The following PTPRB variants were observed in gnomAD, a reference collection of about 807,000 sequenced individuals.
PTPRB encodes protein tyrosine phosphatase receptor type B.
PTPRB carries 97 observed loss-of-function variants against 238.1 expected under a neutral mutation model. The ratio of observed to expected loss-of-function variants is 0.41; its 90% confidence interval spans 0.35 to 0.48. PTPRB has a LOEUF of 0.48. Among genes scored for constraint, PTPRB ranks in the 20% least tolerant of loss-of-function variants. The pLI, the probability that PTPRB is intolerant of heterozygous loss-of-function variation, is 0.30. For missense variants in PTPRB, 2,292 were observed against 2,681.9 expected (o/e 0.85, Z 3.21); for synonymous variants, 970 against 995.4 (o/e 0.97, Z 0.48).
chr12:70,622,315 G>A, intron 3 of PTPRB, 75 bp downstream of exon 3: 1 of 1,558,068 alleles, frequency 6.4e-7, no homozygotes, highest in Non-Finnish European at 8.7e-7. Context: ...GGCATTTTTA[G>A]CAAAGCAAGT....
In PTPRB at chr12:70,635,928, G is replaced by A. The variant is rs777506538; in HGVS notation, c.194C>T (p.Ser65Phe). The change falls in exon 2 of 34, where the codon TCT (serine) becomes TTT (phenylalanine). Residue 65 changes from serine (S) to phenylalanine (F), a missense_variant. Around this residue, in one of 4 missense-constraint regions of PTPRB, gnomAD observed 1,205 missense variants for 1,287.8 expected, o/e 0.94. Coordinates refer to ENST00000334414, the MANE Select transcript of PTPRB (RefSeq NM_001109754.4). ...GTTGGAGATGGCCAAGCACAGTGCA[G>A]ATTTAACATGAAGGAGCTTTTCATC... is the stretch of plus-strand genomic sequence containing the variant. ...TEDEKLLHVKSALCLAISNSS... is the reference protein window; with the variant it reads ...TEDEKLLHVKFALCLAISNSS... 1.1e-5 allele frequency: 18 copies of A among 1,613,760 alleles called. No individual in the cohort carries two copies. In the South Asian group the frequency reaches 2.0e-4, roughly 18 times the overall value.
chr12:70,524,340 C>A, intron 33 of PTPRB, 131 bp downstream of exon 33: 1 of 1,022,378 alleles, frequency 9.8e-7, no homozygotes, highest in South Asian at 1.9e-5. Context: ...GTTTCAAACT[C>A]TTAGGCTCAA....
At position 70,594,539 on chromosome 12, in the gene PTPRB, A is replaced by C; in HGVS notation, c.1444T>G (p.Tyr482Asp). Reference sequence around the variant, plus strand: ...GTCATAACAGTGAGGTTGTAGAGGTAGCCAGGGGTCAGCCCGTGAAAAGCA... The same window carrying C: ...GTCATAACAGTGAGGTTGTAGAGGTCGCCAGGGGTCAGCCCGTGAAAAGCA... ...SYAFHGLTPG[Y>D]LYNLTVMTEA... Residue 482 changes from tyrosine to aspartate, a missense_variant, in exon 6 of 34, where the codon TAC becomes GAC. Coordinates refer to ENST00000334414, the MANE Select transcript of PTPRB (RefSeq NM_001109754.4). The C allele has an allele frequency of 6.2e-7, 1 of 1,614,010 alleles. No homozygotes were observed. The highest frequency in any genetic ancestry group is 8.5e-7 in the Non-Finnish European group (1 of 1,179,894).
At chr12:70,569,965 C>T in intron 13 of PTPRB, 27 bp from the exon 14 acceptor site, 1 of 1,570,770 alleles carries the variant, frequency 6.4e-7, no homozygotes, top group African/African-American at 1.4e-5. Flanking sequence ...ATTTAAAAGT[C>T]ATCACTTAGA....
Position 70,566,443 on chromosome 12 carries a change from C to T in PTPRB, c.3896G>A (p.Gly1299Asp), listed in dbSNP as rs1465875253. 8.7e-6 allele frequency: 14 copies of T among 1,613,656 alleles called. No homozygotes were observed. Among genetic ancestry groups the T allele is most frequent in the African/African-American group, 1.3e-5 (1 of 75,022 alleles). Reference sequence around the variant, plus strand: ...TATGCTGTGCTAATTACCTGTTCGGCCTTCAGTCTGGGCTTCCTTGCTAAA... The same window carrying T: ...TATGCTGTGCTAATTACCTGTTCGGTCTTCAGTCTGGGCTTCCTTGCTAAA... Reference protein sequence around the residue: ...GLFSKEAQTEGRTVPAAVTDL... With the variant: ...GLFSKEAQTEDRTVPAAVTDL... Residue 1299 changes from glycine (G) to aspartate (D), a missense_variant, in exon 15 of 34, where the codon GGC becomes GAC. Around this residue, in one of 4 missense-constraint regions of PTPRB, gnomAD observed 683 missense variants for 862.0 expected, o/e 0.79. Transcript: ENST00000334414.
At chr12:70,524,921 ATATG>A (rs1432283033) in intron 32 of PTPRB, among the ~76,000 whole-genome samples, 1 of 151,142 alleles carries the variant, frequency 6.6e-6, no homozygotes, top group Non-Finnish European at 1.5e-5. Flanking sequence ...ATGTATGTAT[ATATG>A]TGTGTATATG....
intron 32 of PTPRB, among the ~76,000 whole-genome samples, chr12:70,531,018 T>C (rs185913861): frequency 1.4e-4 from 22 of 152,366 alleles, no homozygotes; most frequent in East Asian, 9.6e-4. Context: ...AATGATGCCA[T>C]TGTTTTGTCA....
In PTPRB at chr12:70,534,635, G is replaced by A; in HGVS notation, c.6221C>T (p.Ala2074Val). The A allele has an allele frequency of 1.9e-6, 3 of 1,612,240 alleles. No individual in the cohort carries two copies. Among genetic ancestry groups the A allele is most frequent in the Non-Finnish European group, 2.5e-6 (3 of 1,179,192 alleles). ...GTGAAAGTGGCGGATGAGTCTGTGT[G>A]CATCAAGCTGTTCCTCCTGTAAGAG... ...FKICGEEQLD[A>V]HRLIRHFHYT... The change falls in exon 31 of 34, where the codon GCA (alanine) becomes GTA (valine). Residue 2074 changes from alanine (A) to valine (V), a missense_variant. Transcript: ENST00000334414.
intron 31 of PTPRB, among the ~76,000 whole-genome samples, 185 bp downstream of exon 31, chr12:70,534,299 AAGTC>A (rs530610724): frequency 1.5e-4 from 23 of 152,266 alleles, no homozygotes; most frequent in Admixed American, 1.2e-3. Context: ...AGTGGAAAAG[AAGTC>A]AGGGAAGAGA....
chr12:70,559,263 C>A (rs1878139205), intron 18 of PTPRB, 80 bp downstream of exon 18: 1 of 1,414,070 alleles, frequency 7.1e-7, no homozygotes. Context: ...GGATTTAATC[C>A]AAGCCCTATT....
chr12:70,600,506 T>C (rs777359721), intron 4 of PTPRB, among the ~76,000 whole-genome samples: 6 of 152,348 alleles, frequency 3.9e-5, no homozygotes, highest in Non-Finnish European at 8.8e-5. Flanking sequence ...TTTTCAGATG[T>C]TGGTTTGCTA....
At position 70,626,304 on chromosome 12, in the gene PTPRB, T is replaced by C. The variant is rs201850917; in HGVS notation, c.452-3658A>G. Among the ~76,000 whole-genome samples the C allele has an allele frequency of 3.6e-3, 241 of 67,816 alleles. 19 individuals carry two copies. Among genetic ancestry groups the C allele is most frequent in the African/African-American group, 0.012 (179 of 15,520 alleles). The allele number at this position is 67,816 out of a possible 152,430, so 44.5% of individuals were successfully genotyped here. A position where few individuals can be genotyped will look rare whatever the true frequency, so the allele number is the denominator to read the frequency against. On this transcript the variant is annotated intron_variant, in intron 2 of 33. Coordinates refer to ENST00000334414, the MANE Select transcript of PTPRB (RefSeq NM_001109754.4). ...GATGATGTCTATCCATCCATCTATC[T>C]ATCTATCTATCTATCTATCTATCTA...
At chr12:70,626,520 A>G (rs2136593695) in intron 2 of PTPRB, among the ~76,000 whole-genome samples, 1 of 152,046 alleles carries the variant, frequency 6.6e-6, no homozygotes, top group East Asian at 1.9e-4. Flanking sequence ...GGATGGTTGC[A>G]TCTGTACTGA....
In PTPRB at chr12:70,622,950, G is replaced by GA. The variant is rs566031720; in HGVS notation, c.452-305_452-304insT. ...ATTAAACCTATTCTATGAGAATTTA[G>GA]GGGGGGGGTCACTGAATTGGCTTCA... On this transcript the variant is annotated intron_variant, in intron 2 of 33. Transcript: ENST00000334414. 2.8e-4 allele frequency among the ~76,000 whole-genome samples: 24 copies of GA among 86,456 alleles called. No individual in the cohort carries two copies. In the South Asian group the frequency reaches 9.3e-3, roughly 34 times the overall value. 56.7% of individuals were successfully genotyped at this position (86,456 alleles called of 152,430 possible).
chr12:70,589,932 C>G, intron 8 of PTPRB, 32 bp downstream of exon 8: 4 of 1,595,972 alleles, frequency 2.5e-6, no homozygotes, highest in South Asian at 1.1e-5. Context: ...AATTACTCTT[C>G]CATTGGTATT....
chr12:70,596,130 C>T lies in PTPRB; in HGVS notation c.1177G>A (p.Ala393Thr), dbSNP rs1592560952. 6.2e-7 allele frequency: 1 copy of T among 1,613,400 alleles called. No individual in the cohort carries two copies. The change falls in exon 5 of 34, where the codon GCT (alanine) becomes ACT (threonine). Residue 393 changes from alanine to threonine, a missense_variant. Physicochemically the swap from Ala to Thr is moderately conservative, Grantham distance 58 (BLOSUM62 0). This residue lies in a region of PTPRB where 1,205 missense variants were observed against 1,287.8 expected (regional missense o/e 0.94). Coordinates refer to ENST00000334414, the MANE Select transcript of PTPRB (RefSeq NM_001109754.4). ...WNEYTFFNLT[A>T]GSKYNIAITA... ...ATGGCAATATTGTATTTACTACCAGCAGTGAGATTGAAAAAAGTGTATTCA... is the reference window on the plus strand; with the variant it reads ...ATGGCAATATTGTATTTACTACCAGTAGTGAGATTGAAAAAAGTGTATTCA...
Position 70,622,472 on chromosome 12 carries a change from T to G in PTPRB, c.626A>C (p.His209Pro). ...NYSQNSSERQ[H>P]PNLHMTGITD... ...AATTCCAGTCATGTGCAGATTGGGATGCTGCCTCTCGCTGCTGTTTTGGCT... is the reference window on the plus strand; with the variant it reads ...AATTCCAGTCATGTGCAGATTGGGAGGCTGCCTCTCGCTGCTGTTTTGGCT... Residue 209 changes from histidine (H) to proline (P), a missense_variant, in exon 3 of 34, where the codon CAT (histidine) becomes CCT (proline). Physicochemically the swap from His to Pro is moderately conservative, Grantham distance 77. Around this residue, in one of 4 missense-constraint regions of PTPRB, gnomAD observed 1,205 missense variants for 1,287.8 expected, o/e 0.94. Transcript: ENST00000334414. 6.2e-7 allele frequency: 1 copy of G among 1,613,526 alleles called. No individual in the cohort carries two copies. The highest frequency in any genetic ancestry group is 8.5e-7 in the Non-Finnish European group (1 of 1,179,708).
chr12:70,578,060 A>G (rs1880982409), intron 10 of PTPRB, among the ~76,000 whole-genome samples: 1 of 152,212 alleles, frequency 6.6e-6, no homozygotes, highest in Non-Finnish European at 1.5e-5. Context: ...ACAATTATCA[A>G]AAGTTTTCAC....
Position 70,590,024 on chromosome 12 carries a change from C to T in PTPRB, c.1990G>A (p.Val664Met), listed in dbSNP as rs752416152. ...TTTCCACTCTCAACAATGACTTCCA[C>T]CTCATACTGTCTTCCCGGTACGAGC... ...TGLVPGRQYE[V>M]EVIVESGNLK... The change falls in exon 8 of 34, where the codon GTG becomes ATG. Residue 664 changes from valine to methionine, a missense_variant. Transcript: ENST00000334414. The T allele has an allele frequency of 5.6e-6, 9 of 1,614,030 alleles. No individual in the cohort carries two copies. The highest frequency in any genetic ancestry group is 7.6e-6 in the Non-Finnish European group (9 of 1,179,882).
Sources: gnomAD v4.1 joint callset for allele counts (sites outside exome capture counted in the v4.1 genomes callset) on GRCh38, gnomAD v4.1.1 for gene constraint, gnomAD v4.1.1 regional missense constraint, MANE v1.5 for transcripts, NCBI Gene and HGNC (gene_info 2026-07-23, HGNC 2026-07-21) for gene names.